The following RANBP3 variants were observed in gnomAD, a reference collection of about 807,000 sequenced individuals.
The protein encoded by RANBP3 is ran-binding protein 3.
A neutral mutation model predicts 77.3 loss-of-function variants in RANBP3; 14 were observed. The observed-to-expected ratio is 0.18, with a 90% CI of 0.12 to 0.28. The LOEUF is 0.28. RANBP3 is among the 10% of genes least tolerant of loss of function. RANBP3 has a pLI of 1.00. For missense variants in RANBP3, 586 were observed against 752.3 expected (o/e 0.78, Z 2.59); for synonymous variants, 315 against 312.4 (o/e 1.01, Z -0.09).
At chr19:5,941,091 C>T (rs2058129955) in intron 5 of RANBP3, among the ~76,000 whole-genome samples, 1 of 152,238 alleles carries the variant, frequency 6.6e-6, no homozygotes, top group Non-Finnish European at 1.5e-5. Context: ...CCGCAAGCTC[C>T]TCTCCTCTGG....
At position 5,924,150 on chromosome 19, in the gene RANBP3, A is replaced by T. The variant is rs1207652325; in HGVS notation, c.997-236T>A. On this transcript the variant is annotated intron_variant, in intron 11 of 16. Coordinates refer to ENST00000340578, the MANE Select transcript of RANBP3 (RefSeq NM_007322.3). The surrounding 1 kb of genome is among the most constrained non-coding windows in gnomAD (Gnocchi z 4.7). ...CCACACTGGTCACTCCGTCTGGGTG[A>T]GGCAAGACTTTGAACATTTCATTGA... 6.6e-6 allele frequency among the ~76,000 whole-genome samples: 1 copy of T among 152,222 alleles called. No homozygotes were observed. The highest frequency in any genetic ancestry group is 2.4e-5 in the African/African-American group (1 of 41,458).
At chr19:5,969,381 T>C (rs1198286807) in intron 1 of RANBP3, among the ~76,000 whole-genome samples, 1 of 152,216 alleles carries the variant, frequency 6.6e-6, no homozygotes, top group East Asian at 1.9e-4. Flanking sequence ...ACGCAGGAAT[T>C]AATTCTGGGT....
chr19:5,945,206 G>A (rs1273756407), intron 3 of RANBP3, among the ~76,000 whole-genome samples: 3 of 152,202 alleles, frequency 2.0e-5, no homozygotes, highest in African/African-American at 7.2e-5. Flanking sequence ...TGCAGGCCAC[G>A]GAGAAGCCGA....
chr19:5,958,136 C>A lies in RANBP3; in HGVS notation c.23-163G>T, dbSNP rs2058357188. The stretch of plus-strand genomic sequence containing the variant: ...GCGTCTTGACTCGGATGCCTGGAGG[C>A]ACAGGTGTGCTGGGTTTGTGAAATG... On this transcript the variant is annotated intron_variant, in intron 1 of 16. Coordinates refer to ENST00000340578, the MANE Select transcript of RANBP3 (RefSeq NM_007322.3). This position sits in a 1 kb window ranked among gnomAD's most constrained non-coding sequence, Gnocchi z 4.4. Among the ~76,000 whole-genome samples the A allele has an allele frequency of 6.6e-6, 1 of 152,304 alleles. No homozygotes were observed. Among genetic ancestry groups the A allele is most frequent in the Non-Finnish European group, 1.5e-5 (1 of 68,038 alleles).
rs928404186 is a variant in RANBP3 at position 5,916,181 on chromosome 19, T to G, written c.*1429A>C. 6.6e-6 allele frequency: 1 copy of G among 152,216 alleles called. No individual in the cohort carries two copies. Among genetic ancestry groups the G allele is most frequent in the Non-Finnish European group, 1.5e-5 (1 of 68,046 alleles). The allele number at this position is 152,216 out of a possible 1,614,324, so 9.4% of individuals were successfully genotyped here. A position where few individuals can be genotyped will look rare whatever the true frequency, so the allele number is the denominator to read the frequency against. On this transcript the variant is annotated 3_prime_UTR_variant, in exon 17 of 17. Transcript: ENST00000340578. ...ATGTAGTTCCCAAATACATTTCATA[T>G]GACAATCTTACATAAATGTTCCAAA... is the stretch of plus-strand genomic sequence containing the variant.
chr19:5,950,484 G>A (rs2058261598), intron 3 of RANBP3: 2 of 152,534 alleles, frequency 1.3e-5, no homozygotes, highest in African/African-American at 4.8e-5. Context: ...GTAGCTGAAT[G>A]TTAACAGTTT....
At chr19:5,934,591 T>C (rs2058039175) in intron 5 of RANBP3, 1 of 152,232 alleles carries the variant, frequency 6.6e-6, no homozygotes. Context: ...CCCAGTGCTT[T>C]GGGAGGCTGA....
chr19:5,923,068 G>A (rs1022764475), intron 13 of RANBP3, 126 bp downstream of exon 13: 8 of 728,556 alleles, frequency 1.1e-5, no homozygotes, highest in South Asian at 3.5e-5. Context: ...AGAGCGTGGG[G>A]CCAGTGGCCC....
chr19:5,930,339 G>A (rs878902718), intron 8 of RANBP3, among the ~76,000 whole-genome samples: 2 of 152,210 alleles, frequency 1.3e-5, no homozygotes, highest in Admixed American at 1.3e-4. Flanking sequence ...AACATCTACT[G>A]GGGATGGAGG....
At chr19:5,934,373 C>T (rs1307133788) in intron 5 of RANBP3, 2 of 152,248 alleles carry the variant, frequency 1.3e-5, no homozygotes, top group African/African-American at 4.8e-5. Flanking sequence ...TGCTAAGCTT[C>T]ACCCCCTTGT....
At position 5,919,273 on chromosome 19, in the gene RANBP3, T is replaced by C. The variant is rs1232352627; in HGVS notation, c.1331-635A>G. 4.6e-5 allele frequency among the ~76,000 whole-genome samples: 7 copies of C among 152,294 alleles called. No homozygotes were observed. The East Asian group carries it at 1.4e-3, about 29-fold the overall frequency. On this transcript the variant is annotated intron_variant, in intron 14 of 16. Coordinates refer to ENST00000340578, the MANE Select transcript of RANBP3 (RefSeq NM_007322.3). ...CTAGAGGATGCAACACCCCTGCGCC[T>C]GGCCTGGGCCCACCCCGTGGACTCA... is the stretch of plus-strand genomic sequence containing the variant.
chr19:5,930,099 A>T (rs1275630222), intron 8 of RANBP3, among the ~76,000 whole-genome samples: 2 of 152,182 alleles, frequency 1.3e-5, no homozygotes, highest in Admixed American at 6.5e-5. Context: ...ACCATCGGGG[A>T]CAATCAGAGA....
chr19:5,949,645 C>A (rs948780808), intron 3 of RANBP3, among the ~76,000 whole-genome samples: 1 of 152,236 alleles, frequency 6.6e-6, no homozygotes, highest in African/African-American at 2.4e-5. Flanking sequence ...CATCCCAAGG[C>A]TCCCTGCCAT....
chr19:5,972,050 T>C (rs2058536679), intron 1 of RANBP3, among the ~76,000 whole-genome samples: 1 of 152,282 alleles, frequency 6.6e-6, no homozygotes, highest in African/African-American at 2.4e-5. Flanking sequence ...ATTTTAAGTG[T>C]TGGCTCCTAA....
In RANBP3 at chr19:5,923,179, G is replaced by T. The variant is rs745327762; in HGVS notation, c.1209+15C>A. ...TGGAAGACCCAGGGCCACCGAGGAG[G>T]GGCCGGCCCCTCACCTGTAACACAT... is the stretch of plus-strand genomic sequence containing the variant. On this transcript the variant is annotated intron_variant, in intron 13 of 16. Transcript: ENST00000340578. 3 of 1,610,536 alleles carry T rather than the reference G, an allele frequency of 1.9e-6. No individual in the cohort carries two copies. Among genetic ancestry groups the T allele is most frequent in the Admixed American group, 3.3e-5 (2 of 59,994 alleles).
At chr19:5,941,523 G>T in intron 5 of RANBP3, 98 bp downstream of exon 5, 1 of 1,094,026 alleles carries the variant, frequency 9.1e-7, no homozygotes, top group Non-Finnish European at 1.4e-6. Flanking sequence ...ACCGGAGCTG[G>T]GCAGGAAGGA....
chr19:5,935,759 CAA>C (rs1209406284), intron 5 of RANBP3: 1 of 456,752 alleles, frequency 2.2e-6, no homozygotes, highest in South Asian at 1.5e-5. Context: ...CAGGGGTAGC[CAA>C]AATCTGGAGG....
chr19:5,977,634 G>T (rs1363360439), intron 1 of RANBP3, among the ~76,000 whole-genome samples: 2 of 152,170 alleles, frequency 1.3e-5, no homozygotes, highest in East Asian at 3.9e-4. Context: ...GCCAGGCCGG[G>T]GAAGGGGAGA....
intron 6 of RANBP3, chr19:5,932,885 G>A (rs370743601): frequency 5.9e-5 from 21 of 358,496 alleles, no homozygotes; most frequent in African/African-American, 2.3e-4. Flanking sequence ...CTCAGGACTC[G>A]GTGTGGGGTC....
Sources: allele counts gnomAD v4.1 joint callset (sites outside exome capture counted in the v4.1 genomes callset), GRCh38; gene constraint gnomAD v4.1.1; non-coding constraint Gnocchi (gnomAD v3.1); transcripts MANE v1.5; gene names NCBI Gene and HGNC (gene_info 2026-07-23, HGNC 2026-07-21).